Variants in DNASE1L1 observed in about 807,000 individuals in gnomAD.
DNASE1L1 encodes deoxyribonuclease 1 like 1.
Under a neutral mutation model 18.6 loss-of-function variants are expected in DNASE1L1, and 8 were observed. The observed-to-expected ratio is 0.43, with a 90% CI of 0.25 to 0.78. The LOEUF is 0.78. DNASE1L1 is among the 30% of genes least tolerant of loss of function. DNASE1L1 has a pLI of 0.23. For synonymous variants in DNASE1L1, 114 were observed against 114.2 expected (o/e 1.00, Z 0.01); for missense variants, 214 against 258.2 (o/e 0.83, Z 1.17).
chrX:154,409,272 G>A (rs1471372162), upstream of DNASE1L1: 2 of 244,146 alleles, frequency 8.2e-6, no homozygotes, highest in African/African-American at 2.9e-5. Flanking sequence ...TGGGCCGGAC[G>A]CCCCACCCTT....
At chrX:154,411,028 T>C (rs952669540), upstream of DNASE1L1, among the ~76,000 whole-genome samples, 3 of 112,803 alleles carry the variant, frequency 2.7e-5, no homozygotes, top group Non-Finnish European at 5.6e-5. Flanking sequence ...ATACTGTTTC[T>C]TGTATTACAT....
In DNASE1L1 at chrX:154,403,585, T is replaced by C. The variant is rs1557187642; in HGVS notation, c.349A>G (p.Asn117Asp). 8.3e-7 allele frequency: 1 copy of C among 1,211,908 alleles called. No individual in the cohort carries two copies. The highest frequency in any genetic ancestry group is 3.0e-5 in the East Asian group (1 of 33,851). Residue 117 changes from asparagine to aspartate, a missense_variant, in exon 5 of 8, where the codon AAC becomes GAC. Coordinates refer to ENST00000369807, the MANE Select transcript of DNASE1L1 (RefSeq NM_001303620.2). Reference sequence around the variant, plus strand: ...CGGGCAAAGACGTCATCCTCATCGTTGTACACGTAGGAACTCAGGACCTGT... The same window carrying C: ...CGGGCAAAGACGTCATCCTCATCGTCGTACACGTAGGAACTCAGGACCTGT... ...KTQVLSSYVYNDEDDVFAREP... is the reference protein window; with the variant it reads ...KTQVLSSYVYDDEDDVFAREP...
rs200120323 is a variant in DNASE1L1, at chrX:154,403,200, C to A, written c.526-10G>T. On this transcript the variant is annotated splice_polypyrimidine_tract_variant and intron_variant, in intron 6 of 7. Coordinates refer to ENST00000369807, the MANE Select transcript of DNASE1L1 (RefSeq NM_001303620.2). ...CAAGCAGGATCACGTCCTAGAGACA[C>A]AGCAGCCATCAGGCTGGCCGCTGGG... 9.4e-4 allele frequency: 1,131 copies of A among 1,208,528 alleles called. 4 individuals carry two copies. Among genetic ancestry groups the A allele is most frequent in the South Asian group, 4.0e-3 (226 of 56,800 alleles).
In DNASE1L1 at chrX:154,402,592, A is replaced by G; in HGVS notation, c.*115T>C. On this transcript the variant is annotated 3_prime_UTR_variant, in exon 8 of 8. Transcript: ENST00000369807. ...AATCAAACAAGGCAGGCAGGGGTGG[A>G]CTACAGTCACAGGGCAACTATAGTT... 2.7e-6 allele frequency: 2 copies of G among 737,900 alleles called. No individual in the cohort carries two copies. The highest frequency in any genetic ancestry group is 3.9e-6 in the Non-Finnish European group (2 of 517,867). 60.8% of individuals were successfully genotyped at this position (737,900 alleles called of 1,213,427 possible).
In DNASE1L1 at chrX:154,403,236, CT is replaced by C. The variant is rs781890661; in HGVS notation, c.525+32del. The stretch of plus-strand genomic sequence containing the variant: ...AGGCTGGCCGCTGGGCCACCCTATC[CT>C]TGTCCCTCCTGTACAAACTGCCCAG... On this transcript the variant is annotated intron_variant, in intron 6 of 7. Transcript: ENST00000369807. 2.5e-6 allele frequency: 3 copies of C among 1,207,536 alleles called. No homozygotes were observed. In the African/African-American group the frequency reaches 5.2e-5, roughly 21 times the overall value.
In DNASE1L1 at chrX:154,401,473, G is replaced by A. The variant is rs2068032665; in HGVS notation, c.*1234C>T. The A allele has an allele frequency of 7.9e-6, 1 of 126,986 alleles. No individual in the cohort carries two copies. Among genetic ancestry groups the A allele is most frequent in the Admixed American group, 7.8e-5 (1 of 12,793 alleles). The allele number at this position is 126,986 out of a possible 1,213,427, so 10.5% of individuals were successfully genotyped here. On this transcript the variant is annotated 3_prime_UTR_variant, in exon 8 of 8. Transcript: ENST00000369807. ...CTTCACCACCTGACCAAAGGTCTAG[G>A]CTAACCTTTGGTCATTTGTAACAAG...
chrX:154,402,277 G>A lies in DNASE1L1; in HGVS notation c.*430C>T. ...AACCACCCTCCTTGTAGCTATTGGG[G>A]CTTAATGGTTTCCTGGTGATTCTTA... On this transcript the variant is annotated 3_prime_UTR_variant, in exon 8 of 8. Transcript: ENST00000369807. 1 of 140,243 alleles carries A rather than the reference G, an allele frequency of 7.1e-6. No homozygotes were observed. The highest frequency in any genetic ancestry group is 1.4e-5 in the Non-Finnish European group (1 of 69,998). The allele number at this position is 140,243 out of a possible 1,213,427, so 11.6% of individuals were successfully genotyped here.
chrX:154,404,456 C>T (rs1337386145), intron 4 of DNASE1L1, among the ~76,000 whole-genome samples: 4 of 112,212 alleles, frequency 3.6e-5, no homozygotes, highest in Non-Finnish European at 7.5e-5. Context: ...CTCCCAGGGA[C>T]TTAGAAGATC....
At position 154,403,622 on chromosome X, in the gene DNASE1L1, C is replaced by G. The variant is rs782121560; in HGVS notation, c.312G>C (p.Arg104=). The change falls in exon 5 of 8, where the codon CGG becomes CGC. Residue 104 remains arginine (R), a splice_region_variant and synonymous_variant. Transcript: ENST00000369807. ...TYMETYVYFY[R]SHKTQVLSSY... is the part of the protein sequence containing the mutation. The stretch of plus-strand genomic sequence containing the variant: ...AACTCAGGACCTGTGTTTTGTGTGA[C>G]CTGGGAGGACAAAGGGATGGGCAGC... The G allele has an allele frequency of 5.2e-5, 63 of 1,206,769 alleles. No homozygotes were observed. In the South Asian group the frequency reaches 8.8e-4, roughly 17 times the overall value.
chrX:154,412,089 A>G, upstream of DNASE1L1: 2 of 1,210,432 alleles, frequency 1.7e-6, no homozygotes, highest in Non-Finnish European at 2.2e-6. Flanking sequence ...CCGCCAGAGT[A>G]CATGAACCAC....
chrX:154,403,576 C>T lies in DNASE1L1; in HGVS notation c.358G>A (p.Asp120Asn). ...AATGGCTCCCGGGCAAAGACGTCAT[C>T]CTCATCGTTGTACACGTAGGAACTC... is the stretch of plus-strand genomic sequence containing the variant. ...VLSSYVYNDEDDVFAREPFVA... is the reference protein window; with the variant it reads ...VLSSYVYNDENDVFAREPFVA... Residue 120 changes from aspartate (D) to asparagine (N), a missense_variant, in exon 5 of 8, where the codon GAT becomes AAT. By Grantham distance (23) the Asp-to-Asn change is conservative. Coordinates refer to ENST00000369807, the MANE Select transcript of DNASE1L1 (RefSeq NM_001303620.2). 1 of 1,212,055 alleles carries T rather than the reference C, an allele frequency of 8.3e-7. No individual in the cohort carries two copies. Among genetic ancestry groups the T allele is most frequent in the African/African-American group, 1.7e-5 (1 of 57,879 alleles).
Position 154,402,792 on chromosome X carries a change from C to CTCAGCT in DNASE1L1, c.818_823dup (p.Lys273_Leu274dup), listed in dbSNP as rs1557187138. On this transcript the variant is annotated inframe_insertion, in exon 8 of 8. Coordinates refer to ENST00000369807, the MANE Select transcript of DNASE1L1 (RefSeq NM_001303620.2). ...GAGAGGCTGGACGCTGTGCGCCTGGCTCAGCTTCAGCTCCACCTCCACGGG... is the reference window on the plus strand; with the variant it reads ...GAGAGGCTGGACGCTGTGCGCCTGGCTCAGCTTCAGCTTCAGCTCCACCTCCACGGG... The CTCAGCT allele has an allele frequency of 1.7e-6, 2 of 1,211,568 alleles. No homozygotes were observed. Among genetic ancestry groups the CTCAGCT allele is most frequent in the South Asian group, 1.8e-5 (1 of 56,976 alleles).
chrX:154,401,524 A>G lies in DNASE1L1; in HGVS notation c.*1183T>C, dbSNP rs1472854748. ...ACCTCGGAACAGACACGTGTGTGGC[A>G]TGGTTTGGCCTGGGGATCTTAGATG... is the stretch of plus-strand genomic sequence containing the variant. On this transcript the variant is annotated 3_prime_UTR_variant, in exon 8 of 8. Coordinates refer to ENST00000369807, the MANE Select transcript of DNASE1L1 (RefSeq NM_001303620.2). 1 of 119,079 alleles carries G rather than the reference A, an allele frequency of 8.4e-6. No individual in the cohort carries two copies. Among genetic ancestry groups the G allele is most frequent in the Non-Finnish European group, 1.8e-5 (1 of 57,060 alleles). 9.8% of individuals were successfully genotyped at this position (119,079 alleles called of 1,213,427 possible).
Position 154,405,393 on chromosome X carries a change from T to C in DNASE1L1, c.135+41A>G, listed in dbSNP as rs890475086. On this transcript the variant is annotated intron_variant, in intron 2 of 7. Coordinates refer to ENST00000369807, the MANE Select transcript of DNASE1L1 (RefSeq NM_001303620.2). ...AGGCAGGGATGGGGGCTTTGGCTCA[T>C]GGTGGTTAGGGGCACGGCTTCCCTG... is the stretch of plus-strand genomic sequence containing the variant. 8.7e-6 allele frequency: 10 copies of C among 1,155,095 alleles called. No individual in the cohort carries two copies. In the African/African-American group the frequency reaches 1.1e-4, roughly 12 times the overall value.
intron 1 of DNASE1L1, among the ~76,000 whole-genome samples, chrX:154,407,485 G>A (rs1374636481): frequency 7.6e-5 from 8 of 105,301 alleles, no homozygotes; most frequent in Non-Finnish European, 1.4e-4. Flanking sequence ...GTGATCAGCC[G>A]GCCTTGGCCT....
At chrX:154,408,608 T>C (rs1260084511) in intron 1 of DNASE1L1, 1 of 112,450 alleles carries the variant, frequency 8.9e-6, no homozygotes, top group Non-Finnish European at 1.9e-5. Flanking sequence ...CATGTGGCTT[T>C]TGCATCCTGA....
chrX:154,404,147 CTTTTTTT>C (rs35330789), intron 4 of DNASE1L1, among the ~76,000 whole-genome samples: 5 of 65,286 alleles, frequency 7.7e-5, no homozygotes, highest in African/African-American at 3.4e-4. Context: ...TGATGTCATT[CTTTTTTT>C]TTTTTTTTTT....
At position 154,402,954 on chromosome X, in the gene DNASE1L1, G is replaced by A; in HGVS notation, c.762C>T (p.Leu254=). 1 of 1,210,274 alleles carries A rather than the reference G, an allele frequency of 8.3e-7. No individual in the cohort carries two copies. The highest frequency in any genetic ancestry group is 3.0e-5 in the East Asian group (1 of 33,808). The change falls in exon 7 of 8, where the codon CTC becomes CTT. Residue 254 remains leucine, a synonymous_variant. Transcript: ENST00000369807. ...CCCATCCCTTCACCTCCTCCTCGGT[G>A]AGCTGGAAGCTCGTGGGGAAGTCAA... ...AAFDFPTSFQ[L]TEEEALNISD... is the part of the protein sequence containing the mutation.
At chrX:154,403,993 C>G (rs75862848) in intron 4 of DNASE1L1, among the ~76,000 whole-genome samples, 1 of 108,559 alleles carries the variant, frequency 9.2e-6, no homozygotes, top group East Asian at 2.9e-4. Flanking sequence ...TTTGCCTATT[C>G]TGGATATTTC....
Sources: allele counts gnomAD v4.1 joint callset (sites outside exome capture counted in the v4.1 genomes callset), GRCh38; gene constraint gnomAD v4.1.1; transcripts MANE v1.5; gene names NCBI Gene and HGNC (gene_info 2026-07-23, HGNC 2026-07-21).